Variants in EMSY observed in about 807,000 individuals in gnomAD.
EMSY encodes the protein BRCA2-interacting transcriptional repressor EMSY.
Under a neutral mutation model 134.6 loss-of-function variants are expected in EMSY, and 26 were observed. That is an observed-to-expected ratio of 0.19 (90% CI 0.14 to 0.27). The LOEUF (loss-of-function observed/expected upper bound fraction) is 0.27, where lower values mean the gene tolerates loss of function less well. Ranked by LOEUF, EMSY falls within the 10% of genes least tolerant of loss-of-function variation. The probability of loss-of-function intolerance (pLI) is 1.00; values close to 1 mark genes in which losing one functional copy is unlikely to be tolerated. For missense variants in EMSY, 1,305 were observed against 1,611.4 expected, an observed-to-expected ratio of 0.81 and a Z score of 3.26; for synonymous variants, 579 against 577.8, an observed-to-expected ratio of 1.00 and a Z score of -0.03.
At chr11:76,460,174 A>G in intron 6 of EMSY, 89 bp downstream of exon 7, 2 of 1,438,838 alleles carry the variant, frequency 1.4e-6, no homozygotes, top group Non-Finnish European at 1.9e-6. Flanking sequence ...GGATTAAATC[A>G]TTGGTCCACT....
chr11:76,495,236 C>A (rs1395274952), intron 8 of EMSY, among the ~76,000 whole-genome samples: 1 of 152,174 alleles, frequency 6.6e-6, no homozygotes, highest in Non-Finnish European at 1.5e-5. Flanking sequence ...AAAACCTTTT[C>A]TGTAATACAG....
chr11:76,522,794 C>T (rs568805032), intron 11 of EMSY, among the ~76,000 whole-genome samples: 2 of 152,092 alleles, frequency 1.3e-5, no homozygotes, highest in Admixed American at 6.6e-5. Context: ...TCACTTCAGT[C>T]ACATATAATA....
intron 8 of EMSY, among the ~76,000 whole-genome samples, chr11:76,490,039 G>A (rs1013012789): frequency 2.6e-5 from 4 of 152,090 alleles, no homozygotes; most frequent in South Asian, 2.1e-4. Flanking sequence ...TAATTGGAAG[G>A]TGTAGTCCAT....
intron 4 of EMSY, 96 bp downstream of exon 5, chr11:76,454,886 A>T: frequency 1.1e-6 from 1 of 922,072 alleles, no homozygotes; most frequent in Non-Finnish European, 1.6e-6. Flanking sequence ...TCCATTTATG[A>T]ATTAACCATG....
At chr11:76,459,680 G>T in intron 5 of EMSY, 1 of 413,284 alleles carries the variant, frequency 2.4e-6, no homozygotes, top group Non-Finnish European at 4.3e-6. Flanking sequence ...TTATTTCTTT[G>T]TAACTGTGTT....
At position 76,460,096 on chromosome 11, in the gene EMSY, T is replaced by G; in HGVS notation, c.571+11T>G. 4 of 1,614,014 alleles carry G rather than the reference T, an allele frequency of 2.5e-6. No individual in the cohort carries two copies. Among genetic ancestry groups the G allele is most frequent in the Non-Finnish European group, 3.4e-6 (4 of 1,179,834 alleles). ...CTGTTTATGTCAAAAGTAAGTGATATTCTCAGTGTTATCAGGGCCTTCTTG... is the reference window on the plus strand; with the variant it reads ...CTGTTTATGTCAAAAGTAAGTGATAGTCTCAGTGTTATCAGGGCCTTCTTG... On this transcript the variant is annotated intron_variant, in intron 6 of 20. Coordinates refer to ENST00000334736, the Ensembl canonical transcript of EMSY.
In EMSY at chr11:76,536,075, C is replaced by G; in HGVS notation, c.2359+16C>G. On this transcript the variant is annotated intron_variant, in intron 15 of 20. Transcript: ENST00000334736. ...CAGACAACAGGTATGAATTCACATG[C>G]TCAATTGAATGAAGCATGTTTTCTC... is the stretch of plus-strand genomic sequence containing the variant. 2.0e-6 allele frequency: 3 copies of G among 1,495,436 alleles called. No homozygotes were observed. In the East Asian group the frequency reaches 7.1e-5, roughly 36 times the overall value. 92.6% of individuals were successfully genotyped at this position (1,495,436 alleles called of 1,614,324 possible). A position where few individuals can be genotyped will look rare whatever the true frequency, so the allele number is the denominator to read the frequency against.
chr11:76,513,837 G>T (rs1950359439), intron 10 of EMSY, among the ~76,000 whole-genome samples: 1 of 151,978 alleles, frequency 6.6e-6, no homozygotes, highest in South Asian at 2.1e-4. Context: ...TGAGCGTAAG[G>T]GACCATATCC....
chr11:76,542,172 T>C, intron 17 of EMSY, 44 bp from the exon 19 acceptor site: 1 of 1,606,416 alleles, frequency 6.2e-7, no homozygotes, highest in Non-Finnish European at 8.5e-7. Context: ...TTACAGATGC[T>C]GTGGTGATTT....
intron 15 of EMSY, among the ~76,000 whole-genome samples, chr11:76,537,050 C>A (rs1162653253): frequency 6.6e-6 from 1 of 152,112 alleles, no homozygotes; most frequent in Non-Finnish European, 1.5e-5. Context: ...TTTGGTTAAT[C>A]CTTCTGTCGG....
chr11:76,535,327 G>C (rs1362813172), intron 14 of EMSY, among the ~76,000 whole-genome samples: 2 of 152,040 alleles, frequency 1.3e-5, no homozygotes, highest in Admixed American at 1.3e-4. Context: ...TATCATGCTG[G>C]TTCTAGATCA....
intron 18 of EMSY, among the ~76,000 whole-genome samples, chr11:76,543,064 A>T (rs146757327): frequency 6.6e-6 from 1 of 152,344 alleles, no homozygotes; most frequent in Non-Finnish European, 1.5e-5. Flanking sequence ...GGAAACTTTT[A>T]TGCTCACTTC....
intron 14 of EMSY, among the ~76,000 whole-genome samples, chr11:76,535,442 T>G (rs1319167135): frequency 6.6e-6 from 1 of 152,204 alleles, no homozygotes; most frequent in Non-Finnish European, 1.5e-5. Context: ...TATTTTCAGG[T>G]GCATTGGAGA....
At position 76,457,842 on chromosome 11, in the gene EMSY, A is replaced by G. The variant is rs200483764; in HGVS notation, c.246-341A>G. ...TGTGTTAATTATAAAATTAACTTCT[A>G]AAAATTAGTTGAAATACTAGTTTTC... On this transcript the variant is annotated intron_variant, in intron 4 of 20. Transcript: ENST00000334736. Among the ~76,000 whole-genome samples, 13 of 152,346 alleles carry G rather than the reference A, an allele frequency of 8.5e-5. No individual in the cohort carries two copies. The East Asian group carries it at 1.9e-3, about 23-fold the overall frequency.
At chr11:76,549,700 C>G (rs1248591565) in intron 20 of EMSY, among the ~76,000 whole-genome samples, 3 of 151,974 alleles carry the variant, frequency 2.0e-5, no homozygotes, top group African/African-American at 7.3e-5. Flanking sequence ...AGTCATCTAC[C>G]CTCTCAGTTT....
At chr11:76,517,670 G>A (rs866511637) in intron 11 of EMSY, among the ~76,000 whole-genome samples, 89 of 152,160 alleles carry the variant, frequency 5.8e-4, no homozygotes, top group African/African-American at 2.1e-3. Flanking sequence ...TTTCCTAAAA[G>A]CAGAGATGTC....
rs535274918 is a variant in EMSY, at chr11:76,471,930, G to A, written c.832-634G>A. ...GTGCTGATGGATGGTCTTCTGGGTA[G>A]CACCATGGTTCATATCCCTACTTCC... On this transcript the variant is annotated intron_variant, in intron 7 of 20. Transcript: ENST00000334736. 2.2e-3 allele frequency among the ~76,000 whole-genome samples: 340 copies of A among 152,236 alleles called. 1 individual carries two copies. The highest frequency in any genetic ancestry group is 4.1e-3 in the Non-Finnish European group (281 of 68,010).
At chr11:76,550,038 T>C (rs1951791561) in exon 21 of EMSY, 2 of 1,613,892 alleles carry the variant, frequency 1.2e-6, no homozygotes, top group Non-Finnish European at 1.7e-6. Context: ...ACAACTTCAC[T>C]AGTCAACAGC....
chr11:76,546,202 G>A (rs1467265504), exon 20 of EMSY: 30 of 1,614,168 alleles, frequency 1.9e-5, no homozygotes, highest in Non-Finnish European at 2.0e-5. Context: ...AAGGAAAATT[G>A]ATCCACCAGC....
Sources: gnomAD v4.1 joint callset for allele counts (sites outside exome capture counted in the v4.1 genomes callset) on GRCh38, gnomAD v4.1.1 for gene constraint, MANE v1.5 for transcripts, NCBI Gene and HGNC (gene_info 2026-07-23, HGNC 2026-07-21) for gene names.